Variants in OLFML1 observed in about 807,000 individuals in gnomAD.
The protein encoded by OLFML1 is olfactomedin-like protein 1.
In OLFML1, 33 loss-of-function variants were observed where a neutral mutation model predicts 37.3. The ratio of observed to expected loss-of-function variants is 0.88; its 90% confidence interval spans 0.67 to 1.18. The LOEUF (loss-of-function observed/expected upper bound fraction) is 1.18. Among genes scored for constraint, OLFML1 ranks in the 50% most tolerant of loss-of-function variants. The pLI is 0.00. For synonymous variants in OLFML1, 186 were observed against 181.3 expected (o/e 1.03, Z -0.21); for missense variants, 545 against 483.7 (o/e 1.13, Z -1.19).
chr11:7,504,296 A>G (rs1848756092), intron 2 of OLFML1, among the ~76,000 whole-genome samples: 1 of 152,156 alleles, frequency 6.6e-6, no homozygotes, highest in Admixed American at 6.5e-5. Flanking sequence ...GTGTGATAGA[A>G]CAAAACGAAC....
chr11:7,485,797 G>C lies in OLFML1; in HGVS notation c.-79G>C. The C allele has an allele frequency of 1.4e-6, 2 of 1,443,632 alleles. No individual in the cohort carries two copies. Among genetic ancestry groups the C allele is most frequent in the South Asian group, 2.5e-5 (2 of 80,552 alleles). 89.4% of individuals were successfully genotyped at this position (1,443,632 alleles called of 1,614,324 possible). On this transcript the variant is annotated 5_prime_UTR_variant, in exon 1 of 3. Transcript: ENST00000329293. The stretch of plus-strand genomic sequence containing the variant: ...TTTGCCACAGCAGCGGATAGAGCAG[G>C]AGAGCACCACCGGAGCCCTTGAGAC...
intron 2 of OLFML1, among the ~76,000 whole-genome samples, chr11:7,491,288 G>C (rs2134176820): frequency 6.6e-6 from 1 of 152,212 alleles, no homozygotes. Context: ...AGTCCTCCCA[G>C]GGAGCATCTC....
At chr11:7,488,006 A>G (rs1438276168) in intron 1 of OLFML1, 121 bp from the exon 2 acceptor site, 2 of 680,618 alleles carry the variant, frequency 2.9e-6, no homozygotes, top group East Asian at 2.8e-5. Context: ...GGAGATTTCA[A>G]TTTTTCCCCT....
chr11:7,498,228 C>T (rs1455852490), intron 2 of OLFML1, among the ~76,000 whole-genome samples: 1 of 152,208 alleles, frequency 6.6e-6, no homozygotes, highest in Non-Finnish European at 1.5e-5. Context: ...GCACAGAATG[C>T]TTTAGGCAGA....
chr11:7,505,601 C>G (rs139973416), intron 2 of OLFML1, among the ~76,000 whole-genome samples: 3 of 152,152 alleles, frequency 2.0e-5, no homozygotes, highest in African/African-American at 7.2e-5. Context: ...GAGGCCAAGG[C>G]AGTAGGACCA....
chr11:7,493,541 C>T (rs1440970490), intron 2 of OLFML1, among the ~76,000 whole-genome samples: 2 of 152,186 alleles, frequency 1.3e-5, no homozygotes, highest in Non-Finnish European at 2.9e-5. Context: ...CGTGTGCCTG[C>T]GTGCACCCAG....
At chr11:7,486,204 C>T (rs1383629182) in intron 1 of OLFML1, among the ~76,000 whole-genome samples, 200 bp downstream of exon 1, 1 of 152,204 alleles carries the variant, frequency 6.6e-6, no homozygotes, top group Non-Finnish European at 1.5e-5. Context: ...AGACCTTAAG[C>T]ACAGTTGCAC....
At chr11:7,498,557 C>A (rs1230085155) in intron 2 of OLFML1, among the ~76,000 whole-genome samples, 1 of 152,168 alleles carries the variant, frequency 6.6e-6, no homozygotes, top group Non-Finnish European at 1.5e-5. Flanking sequence ...TAACTGACTA[C>A]AAGTCTGAGA....
At chr11:7,488,021 G>C in intron 1 of OLFML1, 106 bp from the exon 2 acceptor site, 1 of 753,282 alleles carries the variant, frequency 1.3e-6, no homozygotes, top group Non-Finnish European at 2.1e-6. Flanking sequence ...TCCCCTATTT[G>C]ATGATGTGTA....
intron 2 of OLFML1, among the ~76,000 whole-genome samples, chr11:7,508,877 T>C (rs1009170231): frequency 3.3e-5 from 5 of 152,218 alleles, no homozygotes; most frequent in Non-Finnish European, 7.3e-5. Flanking sequence ...TGAATTAGTG[T>C]CTTCACACCT....
intron 2 of OLFML1, among the ~76,000 whole-genome samples, chr11:7,492,701 A>C (rs767246570): frequency 1.3e-5 from 2 of 152,114 alleles, no homozygotes; most frequent in Non-Finnish European, 2.9e-5. Flanking sequence ...GGGTAGGTAC[A>C]ATCTTAGAAT....
intron 2 of OLFML1, among the ~76,000 whole-genome samples, chr11:7,493,942 G>C (rs1375170587): frequency 1.3e-5 from 2 of 152,238 alleles, no homozygotes; most frequent in Non-Finnish European, 2.9e-5. Context: ...GGGAGAAGCT[G>C]TCCAGACAAA....
chr11:7,496,818 T>C (rs74631596), intron 2 of OLFML1, among the ~76,000 whole-genome samples: 3,623 of 152,192 alleles, frequency 0.024, 130 homozygotes, highest in African/African-American at 0.082. Context: ...AGTCAGATAA[T>C]TGGTGGAAAG....
At chr11:7,493,609 C>G (rs879696745) in intron 2 of OLFML1, among the ~76,000 whole-genome samples, 2 of 152,148 alleles carry the variant, frequency 1.3e-5, no homozygotes, top group Non-Finnish European at 2.9e-5. Flanking sequence ...TACAGCTTAA[C>G]CTGTGCTTTC....
At chr11:7,497,211 T>A (rs1251522186) in intron 2 of OLFML1, among the ~76,000 whole-genome samples, 3 of 152,200 alleles carry the variant, frequency 2.0e-5, no homozygotes, top group Non-Finnish European at 2.9e-5. Flanking sequence ...ATTTACCATG[T>A]ACATAATTAA....
intron 2 of OLFML1, among the ~76,000 whole-genome samples, chr11:7,493,206 A>G (rs1848620453): frequency 6.6e-6 from 1 of 152,242 alleles, no homozygotes; most frequent in Non-Finnish European, 1.5e-5. Context: ...CGAATTAAAT[A>G]ACTCATATCT....
chr11:7,510,787 T>C lies in OLFML1; in HGVS notation c.*599T>C, dbSNP rs935358809. ...CTAAGTACCTGGGATTACAGGCATG[T>C]GCCACCACACCTGGCTTAAAATACT... On this transcript the variant is annotated 3_prime_UTR_variant, in exon 3 of 3. Coordinates refer to ENST00000329293, the MANE Select transcript of OLFML1 (RefSeq NM_198474.4). 2 of 152,330 alleles carry C rather than the reference T, an allele frequency of 1.3e-5. No individual in the cohort carries two copies. The highest frequency in any genetic ancestry group is 1.3e-4 in the Admixed American group (2 of 15,292). The allele number at this position is 152,330 out of a possible 1,614,324, so 9.4% of individuals were successfully genotyped here.
chr11:7,501,103 T>TA (rs1359801526), intron 2 of OLFML1, among the ~76,000 whole-genome samples: 1 of 152,158 alleles, frequency 6.6e-6, no homozygotes, highest in Non-Finnish European at 1.5e-5. Flanking sequence ...CTCACAGGCT[T>TA]AAACCCTTAC....
chr11:7,493,271 T>A (rs1051338567), intron 2 of OLFML1, among the ~76,000 whole-genome samples: 3 of 152,236 alleles, frequency 2.0e-5, no homozygotes, highest in Non-Finnish European at 4.4e-5. Flanking sequence ...TTGAAGCCTC[T>A]GGGATCTGTC....
Sources: gnomAD v4.1 joint callset for allele counts (sites outside exome capture counted in the v4.1 genomes callset) on GRCh38, gnomAD v4.1.1 for gene constraint, MANE v1.5 for transcripts, NCBI Gene and HGNC (gene_info 2026-07-23, HGNC 2026-07-21) for gene names.